THRAP3: variants seen among roughly 807,000 people sequenced by gnomAD.
The protein encoded by THRAP3 is thyroid hormone receptor-associated protein 3.
In THRAP3, 16 loss-of-function variants were observed where a neutral mutation model predicts 101.0. The ratio of observed to expected loss-of-function variants is 0.16; its 90% CI spans 0.11 to 0.24. THRAP3 has a LOEUF of 0.24. THRAP3 is among the 10% of genes least tolerant of loss of function. The probability of loss-of-function intolerance (pLI) is 1.00; values close to 1 mark genes in which losing one functional copy is unlikely to be tolerated. For missense variants in THRAP3, 989 were observed against 1,202.7 expected (o/e 0.82, Z 2.63); for synonymous variants, 407 against 422.6 (o/e 0.96, Z 0.45).
chr1:36,302,690 T>C (rs375266597), intron 11 of THRAP3, among the ~76,000 whole-genome samples: 1 of 151,182 alleles, frequency 6.6e-6, no homozygotes, highest in East Asian at 1.9e-4. Context: ...TGTGGGGGGG[T>C]GGTTTAGACT....
At chr1:36,213,059 G>A in the THRAP3 span, among the ~76,000 whole-genome samples, 1 of 152,176 alleles carries the variant, frequency 6.6e-6, no homozygotes, top group South Asian at 2.1e-4. Context: ...AGGCTGGTAC[G>A]ACATGGAGGC....
At chr1:36,208,091 C>A in the THRAP3 span, among the ~76,000 whole-genome samples, 1 of 152,318 alleles carries the variant, frequency 6.6e-6, no homozygotes, top group East Asian at 1.9e-4. Flanking sequence ...CCGCAGCCAG[C>A]CAAGAAAGAC....
At position 36,296,902 on chromosome 1, in the gene THRAP3, C is replaced by T. The variant is rs530970714; in HGVS notation, c.2303+132C>T. On this transcript the variant is annotated intron_variant, in intron 9 of 11. Coordinates refer to ENST00000354618, the MANE Select transcript of THRAP3 (RefSeq NM_005119.4). The stretch of plus-strand genomic sequence containing the variant: ...TAGCAACCTGTTTCTTCTTTTAATC[C>T]ATGTAAATGTCAGGTAGGGTCCCTA... 1.5e-4 allele frequency: 94 copies of T among 634,000 alleles called. No homozygotes were observed. The African/African-American group carries it at 1.6e-3, about 11-fold the overall frequency. The allele number at this position is 634,000 out of a possible 1,614,324, so 39.3% of individuals were successfully genotyped here.
At chr1:36,231,524 A>G (rs1645027491) in intron 1 of THRAP3, among the ~76,000 whole-genome samples, 1 of 152,228 alleles carries the variant, frequency 6.6e-6, no homozygotes, top group African/African-American at 2.4e-5. Context: ...CATAACAACT[A>G]AGGTTATTCT....
intron 8 of THRAP3, among the ~76,000 whole-genome samples, chr1:36,295,231 A>C (rs1645930032): frequency 1.3e-5 from 2 of 152,036 alleles, no homozygotes; most frequent in Admixed American, 6.5e-5. Context: ...CTCAAAAAAA[A>C]AAAAGGAAAA....
chr1:36,208,940 T>C, the THRAP3 span, among the ~76,000 whole-genome samples: 1 of 150,124 alleles, frequency 6.7e-6, no homozygotes. Flanking sequence ...ATGCTGGGAT[T>C]ACAGACGTGA....
rs1332687597 is a variant in THRAP3, at chr1:36,289,362, A to T, written c.1343A>T (p.Asp448Val). Residue 448 changes from aspartate to valine, a missense_variant, in exon 5 of 12, where the codon GAT becomes GTT. Transcript: ENST00000354618. ...AKGRKESEFD[D>V]EPKFMSKVIG... ...GGAAGAAAGGAATCTGAGTTTGATG[A>T]TGAACCCAAATTTATGTCTAAAGTC... The T allele has an allele frequency of 6.2e-7, 1 of 1,614,190 alleles. No homozygotes were observed. Among genetic ancestry groups the T allele is most frequent in the Non-Finnish European group, 8.5e-7 (1 of 1,180,034 alleles).
At chr1:36,262,782 T>TTTTA (rs1380472379) in intron 2 of THRAP3, among the ~76,000 whole-genome samples, 3 of 150,538 alleles carry the variant, frequency 2.0e-5, no homozygotes, top group African/African-American at 4.9e-5. Flanking sequence ...TTTTATTTTA[T>TTTTA]TTTATTTATT....
chr1:36,303,307 G>T (rs944029420), intron 11 of THRAP3, among the ~76,000 whole-genome samples: 2 of 151,894 alleles, frequency 1.3e-5, no homozygotes, highest in Non-Finnish European at 2.9e-5. Flanking sequence ...AGTTCACATG[G>T]AGTTGCACGT....
chr1:36,304,211 C>A lies in THRAP3; in HGVS notation c.*194C>A. On this transcript the variant is annotated 3_prime_UTR_variant, in exon 12 of 12. Transcript: ENST00000354618. Reference sequence around the variant, plus strand: ...TGGACAGAGGAGGCTGGCCATGGGGCCCAGGGGTCAGGCCCAGCTTTTGAG... The same window carrying A: ...TGGACAGAGGAGGCTGGCCATGGGGACCAGGGGTCAGGCCCAGCTTTTGAG... 1 of 775,686 alleles carries A rather than the reference C, an allele frequency of 1.3e-6. No individual in the cohort carries two copies. The highest frequency in any genetic ancestry group is 1.9e-6 in the Non-Finnish European group (1 of 531,578). 48.1% of individuals were successfully genotyped at this position (775,686 alleles called of 1,614,324 possible). A position where few individuals can be genotyped will look rare whatever the true frequency, so the allele number is the denominator to read the frequency against.
chr1:36,296,099 T>C (rs1288691938), intron 8 of THRAP3, among the ~76,000 whole-genome samples: 1 of 150,896 alleles, frequency 6.6e-6, no homozygotes, highest in Non-Finnish European at 1.5e-5. Context: ...TTAGCCTCCC[T>C]AGTAGCTGGG....
At chr1:36,239,926 C>T (rs1040217985) in intron 1 of THRAP3, among the ~76,000 whole-genome samples, 1 of 152,110 alleles carries the variant, frequency 6.6e-6, no homozygotes, top group African/African-American at 2.4e-5. Flanking sequence ...AATTTATTTA[C>T]ATTTTAAGAT....
At chr1:36,231,568 C>A (rs1282122940) in intron 1 of THRAP3, among the ~76,000 whole-genome samples, 1 of 152,074 alleles carries the variant, frequency 6.6e-6, no homozygotes, top group Non-Finnish European at 1.5e-5. Context: ...GCTGTGAAGT[C>A]CATTGTATTG....
At chr1:36,245,514 A>G (rs2124427851) in intron 1 of THRAP3, among the ~76,000 whole-genome samples, 1 of 152,238 alleles carries the variant, frequency 6.6e-6, no homozygotes, top group Middle Eastern at 3.4e-3. Flanking sequence ...AAGACCTTAA[A>G]TATGATAGGT....
At chr1:36,296,531 A>T (rs1645953301) in intron 8 of THRAP3, 52 bp from the exon 9 acceptor site, 1 of 1,439,280 alleles carries the variant, frequency 6.9e-7, no homozygotes, top group South Asian at 1.4e-5. Flanking sequence ...GGGATGGTTG[A>T]GTTGACAGCT....
intron 2 of THRAP3, among the ~76,000 whole-genome samples, chr1:36,271,685 C>T (rs553512516): frequency 6.6e-6 from 1 of 151,514 alleles, no homozygotes; most frequent in African/African-American, 2.4e-5. Context: ...CCTCCACCTC[C>T]CGAGTTCAAG....
chr1:36,290,105 G>C (rs1645846942), intron 5 of THRAP3, among the ~76,000 whole-genome samples: 1 of 152,102 alleles, frequency 6.6e-6, no homozygotes. Context: ...TTCCTAGCTG[G>C]GTTGCCAAAG....
At chr1:36,300,130 A>G (rs1436612879) in intron 9 of THRAP3, among the ~76,000 whole-genome samples, 1 of 152,180 alleles carries the variant, frequency 6.6e-6, no homozygotes, top group Non-Finnish European at 1.5e-5. Context: ...ATAATGACTC[A>G]TCGTATTAAG....
At chr1:36,292,882 TTTGGGACAACAGTCTCTCACA>T (rs1379817078) in intron 7 of THRAP3, among the ~76,000 whole-genome samples, 173 bp downstream of exon 7, 8 of 152,134 alleles carry the variant, frequency 5.3e-5, no homozygotes, top group African/African-American at 1.9e-4. Flanking sequence ...CAGGACATGC[TTTGGGACAACAGTCTCTCACA>T]TTGGGCCTGA....
Sources: gnomAD v4.1 joint callset for allele counts (sites outside exome capture counted in the v4.1 genomes callset) on GRCh38, gnomAD v4.1.1 for gene constraint, MANE v1.5 for transcripts, NCBI Gene and HGNC (gene_info 2026-07-23, HGNC 2026-07-21) for gene names.